The following EDIL3 variants were observed in gnomAD, a reference collection of about 807,000 sequenced individuals.
EDIL3 encodes the protein EGF like and discoidin domains 3.
Under a neutral mutation model 67.4 loss-of-function variants are expected in EDIL3, and 37 were observed. The observed-to-expected ratio is 0.55, with a 90% CI of 0.42 to 0.72. The LOEUF (loss-of-function observed/expected upper bound fraction) is 0.72. EDIL3 is among the 30% of genes least tolerant of loss of function. The probability of loss-of-function intolerance (pLI) is 0.00; values close to 1 mark genes in which losing one functional copy is unlikely to be tolerated. For missense variants in EDIL3, 527 were observed against 586.3 expected, an observed-to-expected ratio of 0.90 and a Z score of 1.04; for synonymous variants, 195 against 196.3, an observed-to-expected ratio of 0.99 and a Z score of 0.05.
At chr5:84,352,671 A>G (rs1038050017) in intron 1 of EDIL3, among the ~76,000 whole-genome samples, 15 of 152,120 alleles carry the variant, frequency 9.9e-5, no homozygotes, top group African/African-American at 3.4e-4. Flanking sequence ...GATAGAAGAA[A>G]TACCATCTAT....
intron 1 of EDIL3, among the ~76,000 whole-genome samples, chr5:84,352,606 A>C (rs1294394985): frequency 2.6e-5 from 4 of 152,132 alleles, no homozygotes. Flanking sequence ...ACGGACATAC[A>C]GAGTAGAATA....
intron 1 of EDIL3, among the ~76,000 whole-genome samples, chr5:84,340,634 T>C (rs1233486878): frequency 1.3e-5 from 2 of 149,528 alleles, no homozygotes; most frequent in African/African-American, 4.9e-5. Flanking sequence ...TACCAAGTAA[T>C]GCATGTCTCT....
chr5:84,269,368 T>C (rs1745418261), intron 1 of EDIL3, among the ~76,000 whole-genome samples: 1 of 152,188 alleles, frequency 6.6e-6, no homozygotes, highest in Admixed American at 6.5e-5. Context: ...AATATCTCTG[T>C]GAACTTTTAC....
chr5:83,992,460 C>T (rs922029888), intron 9 of EDIL3, among the ~76,000 whole-genome samples: 39 of 152,228 alleles, frequency 2.6e-4, no homozygotes, highest in African/African-American at 7.9e-4. Context: ...ACTACAATTA[C>T]GTCAATGAAT....
intron 3 of EDIL3, among the ~76,000 whole-genome samples, chr5:84,215,362 T>C (rs981467682): frequency 2.0e-5 from 3 of 151,958 alleles, no homozygotes; most frequent in Non-Finnish European, 2.9e-5. Context: ...CAGGCCATTC[T>C]CCTGCCTCAG....
chr5:84,309,960 A>G (rs1746351590), intron 1 of EDIL3, among the ~76,000 whole-genome samples: 1 of 152,206 alleles, frequency 6.6e-6, no homozygotes, highest in Non-Finnish European at 1.5e-5. Context: ...TCCCACCAAC[A>G]GTGTGAAAGT....
intron 3 of EDIL3, among the ~76,000 whole-genome samples, chr5:84,183,038 A>C (rs894832921): frequency 1.3e-5 from 2 of 152,112 alleles, no homozygotes; most frequent in Admixed American, 6.5e-5. Context: ...TGCAGAACCT[A>C]TCTCTCCTTC....
At chr5:84,174,984 C>T (rs528550198) in intron 4 of EDIL3, among the ~76,000 whole-genome samples, 5 of 152,226 alleles carry the variant, frequency 3.3e-5, no homozygotes, top group South Asian at 2.1e-4. Context: ...ATAGCAATAA[C>T]GTCTTAAGCT....
chr5:84,382,712 T>C, intron 1 of EDIL3, among the ~76,000 whole-genome samples: 1 of 152,120 alleles, frequency 6.6e-6, no homozygotes, highest in Admixed American at 6.5e-5. Context: ...CTCTCTTTTT[T>C]ATATCGCTGG....
At chr5:84,036,445 T>A (rs1746023399) in intron 9 of EDIL3, among the ~76,000 whole-genome samples, 1 of 152,186 alleles carries the variant, frequency 6.6e-6, no homozygotes, top group South Asian at 2.1e-4. Context: ...AAAATTGTGC[T>A]CCAGAAAAGA....
intron 1 of EDIL3, among the ~76,000 whole-genome samples, chr5:84,292,939 T>C (rs181223968): frequency 5.6e-4 from 85 of 152,304 alleles, no homozygotes; most frequent in African/African-American, 1.3e-3. Context: ...TAGTTCCTCA[T>C]TGGTCGAGTA....
intron 6 of EDIL3, among the ~76,000 whole-genome samples, chr5:84,078,011 CAG>C (rs1253484577): frequency 6.6e-6 from 1 of 152,050 alleles, no homozygotes; most frequent in African/African-American, 2.4e-5. Flanking sequence ...TTACAGCCAA[CAG>C]AATGGCAAAA....
chr5:84,273,400 G>A (rs1326232243), intron 1 of EDIL3, among the ~76,000 whole-genome samples: 2 of 152,082 alleles, frequency 1.3e-5, no homozygotes, highest in Non-Finnish European at 2.9e-5. Flanking sequence ...AGACTCCTGG[G>A]TTCACACCTA....
chr5:84,244,892 C>T (rs1179651115), intron 2 of EDIL3, among the ~76,000 whole-genome samples: 2 of 152,226 alleles, frequency 1.3e-5, no homozygotes, highest in African/African-American at 2.4e-5. Flanking sequence ...CTCATAAGAA[C>T]ACAAACTATT....
intron 9 of EDIL3, among the ~76,000 whole-genome samples, chr5:84,028,589 A>G (rs183157009): frequency 1.3e-5 from 2 of 152,200 alleles, no homozygotes; most frequent in Non-Finnish European, 2.9e-5. Flanking sequence ...ACACACACAC[A>G]CGTGACATAA....
At chr5:84,236,784 C>T (rs1744691257) in intron 2 of EDIL3, among the ~76,000 whole-genome samples, 1 of 150,602 alleles carries the variant, frequency 6.6e-6, no homozygotes, top group Non-Finnish European at 1.5e-5. Context: ...CTGTTTTTAC[C>T]CTTTTTTTTT....
intron 6 of EDIL3, among the ~76,000 whole-genome samples, chr5:84,089,726 C>T (rs865996726): frequency 2.0e-5 from 3 of 152,118 alleles, no homozygotes; most frequent in Admixed American, 2.0e-4. Context: ...CATCTCCTTA[C>T]CTTTTCAATC....
At chr5:84,311,911 G>T (rs1344373616) in intron 1 of EDIL3, among the ~76,000 whole-genome samples, 1 of 152,174 alleles carries the variant, frequency 6.6e-6, no homozygotes, top group South Asian at 2.1e-4. Flanking sequence ...CAAGGCAGAA[G>T]AATTTTTCTT....
At chr5:83,981,958 T>A (rs1343453280) in intron 9 of EDIL3, among the ~76,000 whole-genome samples, 1 of 152,072 alleles carries the variant, frequency 6.6e-6, no homozygotes, top group East Asian at 1.9e-4. Flanking sequence ...AAATAACAAT[T>A]TAAGCTACAA....
Sources: gnomAD v4.1 joint callset for allele counts (sites outside exome capture counted in the v4.1 genomes callset) on GRCh38, gnomAD v4.1.1 for gene constraint, MANE v1.5 for transcripts, NCBI Gene and HGNC (gene_info 2026-07-23, HGNC 2026-07-21) for gene names.